Variants in LUZP2 observed in about 807,000 individuals in gnomAD.
LUZP2 encodes leucine zipper protein 2.
LUZP2 carries 52 observed loss-of-function variants against 51.6 expected under a neutral mutation model. The ratio of observed to expected loss-of-function variants is 1.01; its 90% confidence interval spans 0.81 to 1.27. The LOEUF is 1.27. Among genes scored for constraint, LUZP2 ranks in the 50% most tolerant of loss-of-function variants. The pLI is 0.00. For synonymous variants in LUZP2, 154 were observed against 137.3 expected, an observed-to-expected ratio of 1.12 and a Z score of -0.85; for missense variants, 436 against 395.4, an observed-to-expected ratio of 1.10 and a Z score of -0.87.
At chr11:24,641,341 A>G (rs1207863424) in intron 1 of LUZP2, among the ~76,000 whole-genome samples, 1 of 151,870 alleles carries the variant, frequency 6.6e-6, no homozygotes. Context: ...AACAATCTGA[A>G]TGACCTTAAT....
At chr11:24,671,282 GT>G (rs924605946) in intron 1 of LUZP2, among the ~76,000 whole-genome samples, 6 of 151,858 alleles carry the variant, frequency 4.0e-5, no homozygotes, top group African/African-American at 9.6e-5. Flanking sequence ...AGTTTTAGCA[GT>G]TTTTTGTAAA....
At chr11:24,657,216 T>A (rs1031941542) in intron 1 of LUZP2, among the ~76,000 whole-genome samples, 4 of 152,160 alleles carry the variant, frequency 2.6e-5, no homozygotes, top group Admixed American at 2.6e-4. Context: ...ATGTTAGAAG[T>A]TATAGCAGTG....
intron 10 of LUZP2, among the ~76,000 whole-genome samples, chr11:25,071,818 T>TA (rs199951320): frequency 0.033 from 4,572 of 139,382 alleles, 221 homozygotes; most frequent in African/African-American, 0.11. Flanking sequence ...TAAAGTATAG[T>TA]AAAAAAGAAA....
intron 5 of LUZP2, among the ~76,000 whole-genome samples, chr11:24,806,736 A>C (rs2134127533): frequency 6.6e-6 from 1 of 152,134 alleles, no homozygotes; most frequent in South Asian, 2.1e-4. Context: ...AATAGCTTTT[A>C]TTATTTTTGT....
intron 9 of LUZP2, among the ~76,000 whole-genome samples, chr11:25,018,043 T>TTTTTTTTC (rs140118006): frequency 3.3e-5 from 1 of 30,740 alleles, no homozygotes; most frequent in Non-Finnish European, 9.5e-5. Flanking sequence ...TTCTGTTTTT[T>TTTTTTTTC]TTTTGTTTTT....
chr11:24,843,440 C>T (rs1851096145), intron 5 of LUZP2, among the ~76,000 whole-genome samples: 1 of 151,974 alleles, frequency 6.6e-6, no homozygotes, highest in Non-Finnish European at 1.5e-5. Context: ...CAATCTTTCC[C>T]ATTAATGTTG....
chr11:24,926,548 T>C (rs1156784811), intron 7 of LUZP2, among the ~76,000 whole-genome samples: 1 of 147,090 alleles, frequency 6.8e-6, no homozygotes, highest in African/African-American at 2.5e-5. Context: ...TATATACGTG[T>C]ATATATATGT....
At chr11:24,525,385 T>C (rs1247809079) in intron 1 of LUZP2, among the ~76,000 whole-genome samples, 1 of 151,624 alleles carries the variant, frequency 6.6e-6, no homozygotes, top group African/African-American at 2.4e-5. Flanking sequence ...AATTTCATAA[T>C]AGTTTTGTTA....
At chr11:24,614,420 A>G (rs1854221998) in intron 1 of LUZP2, among the ~76,000 whole-genome samples, 1 of 151,990 alleles carries the variant, frequency 6.6e-6, no homozygotes, top group Admixed American at 6.6e-5. Context: ...ATTTTGAAAT[A>G]TTCAATTTAT....
intron 1 of LUZP2, among the ~76,000 whole-genome samples, chr11:24,632,528 T>A (rs974394866): frequency 6.6e-6 from 1 of 152,018 alleles, no homozygotes; most frequent in African/African-American, 2.4e-5. Flanking sequence ...TGATTTTTAA[T>A]GTATGGCCTT....
intron 10 of LUZP2, among the ~76,000 whole-genome samples, chr11:25,074,285 A>G (rs902280241): frequency 1.3e-5 from 2 of 152,176 alleles, no homozygotes; most frequent in African/African-American, 2.4e-5. Flanking sequence ...CCTATTCAGT[A>G]TAGTAATGTG....
chr11:24,573,883 TTTA>T (rs1852520608), intron 1 of LUZP2, among the ~76,000 whole-genome samples: 1 of 151,666 alleles, frequency 6.6e-6, no homozygotes, highest in Non-Finnish European at 1.5e-5. Context: ...TTTTTTTAAT[TTTA>T]TTATTATTAT....
At chr11:24,863,592 T>G (rs1283217204) in intron 5 of LUZP2, among the ~76,000 whole-genome samples, 5 of 151,668 alleles carry the variant, frequency 3.3e-5, no homozygotes, top group Non-Finnish European at 7.4e-5. Flanking sequence ...AGAGATTTTT[T>G]GGGGGGAAGC....
At position 24,659,996 on chromosome 11, in the gene LUZP2, A is replaced by G. The variant is rs2133980418; in HGVS notation, c.63-69173A>G. On this transcript the variant is annotated intron_variant, in intron 1 of 11. Coordinates refer to ENST00000336930, the MANE Select transcript of LUZP2 (RefSeq NM_001009909.4). Reference sequence around the variant, plus strand: ...ATAATCAGTTCACTTGGAGTAACGAAAAAGATCCTAGGTGGACCGGGTCTA... The same window carrying G: ...ATAATCAGTTCACTTGGAGTAACGAGAAAGATCCTAGGTGGACCGGGTCTA... Among the ~76,000 whole-genome samples the G allele has an allele frequency of 1.3e-5, 2 of 152,302 alleles. 1 individual carries two copies. Among genetic ancestry groups the G allele is most frequent in the South Asian group, 4.1e-4 (2 of 4,824 alleles).
intron 5 of LUZP2, among the ~76,000 whole-genome samples, chr11:24,805,079 C>A (rs1475667970): frequency 8.6e-5 from 13 of 150,820 alleles, no homozygotes; most frequent in African/African-American, 3.2e-4. Flanking sequence ...CAAAGACACA[C>A]CCAATACTGG....
At chr11:24,838,259 A>G (rs2134193999) in intron 5 of LUZP2, among the ~76,000 whole-genome samples, 1 of 151,736 alleles carries the variant, frequency 6.6e-6, no homozygotes, top group South Asian at 2.1e-4. Context: ...TCATAGCAAT[A>G]ATTTATGTTT....
intron 5 of LUZP2, among the ~76,000 whole-genome samples, chr11:24,820,762 G>T (rs2134157063): frequency 6.6e-6 from 1 of 152,196 alleles, no homozygotes; most frequent in South Asian, 2.1e-4. Flanking sequence ...CACAATCCAA[G>T]ACCATAGGAT....
At chr11:24,899,663 A>T (rs1436402252) in intron 5 of LUZP2, among the ~76,000 whole-genome samples, 1 of 152,156 alleles carries the variant, frequency 6.6e-6, no homozygotes, top group African/African-American at 2.4e-5. Flanking sequence ...CTCACATCAG[A>T]TAAATTAGCC....
intron 5 of LUZP2, among the ~76,000 whole-genome samples, chr11:24,780,996 A>G (rs969039081): frequency 3.7e-4 from 56 of 152,242 alleles, no homozygotes; most frequent in African/African-American, 1.3e-3. Flanking sequence ...CATATAGTCA[A>G]TCATACAGTT....
Sources: allele counts gnomAD v4.1 joint callset (sites outside exome capture counted in the v4.1 genomes callset), GRCh38; gene constraint gnomAD v4.1.1; transcripts MANE v1.5; gene names NCBI Gene and HGNC (gene_info 2026-07-23, HGNC 2026-07-21).